POLA2: variants seen among roughly 807,000 people sequenced by gnomAD.
The protein encoded by POLA2 is DNA polymerase alpha 2, accessory subunit.
In POLA2, 47 loss-of-function variants were observed where a neutral mutation model predicts 82.8. The observed-to-expected ratio is 0.57, with a 90% CI of 0.45 to 0.72. The LOEUF (loss-of-function observed/expected upper bound fraction) is 0.72. Among genes scored for constraint, POLA2 ranks in the 30% least tolerant of loss-of-function variants. The probability of loss-of-function intolerance (pLI) is 0.00; values close to 1 mark genes in which losing one functional copy is unlikely to be tolerated. For missense variants in POLA2, 634 were observed against 728.1 expected (o/e 0.87, Z 1.49); for synonymous variants, 287 against 286.8 (o/e 1.00, Z -0.01).
rs760166215 is a variant in POLA2 at position 65,296,007 on chromosome 11, C to CT, written c.1647+22dup. ...TTCGTGAAGGTAGGTTTGAACTCTGCTTTTTCCCAGAAACACCAGAACCCA... is the reference window on the plus strand; with the variant it reads ...TTCGTGAAGGTAGGTTTGAACTCTGCTTTTTTCCCAGAAACACCAGAACCCA... On this transcript the variant is annotated intron_variant, in intron 17 of 17. Coordinates refer to ENST00000265465, the MANE Select transcript of POLA2 (RefSeq NM_002689.4). 6.2e-7 allele frequency: 1 copy of CT among 1,613,952 alleles called. No individual in the cohort carries two copies. Among genetic ancestry groups the CT allele is most frequent in the Non-Finnish European group, 8.5e-7 (1 of 1,179,888 alleles).
At chr11:65,277,915 C>T (rs1004044383) in intron 5 of POLA2, among the ~76,000 whole-genome samples, 2 of 152,172 alleles carry the variant, frequency 1.3e-5, no homozygotes, top group Non-Finnish European at 2.9e-5. Context: ...TAATTGAGCT[C>T]ATTTTCTGTA....
intron 5 of POLA2, 102 bp from the exon 6 acceptor site, chr11:65,278,628 C>A: frequency 2.1e-6 from 2 of 948,146 alleles, no homozygotes; most frequent in South Asian, 1.6e-5. Context: ...ATGAGGCCAC[C>A]TTCCTTTTCT....
At position 65,295,865 on chromosome 11, in the gene POLA2, TACTACCC is replaced by T. The variant is rs749919083; in HGVS notation, c.1526_1532del (p.Tyr509SerfsTer34). On this transcript the variant is annotated frameshift_variant and splice_region_variant, in exon 17 of 18. Transcript: ENST00000265465. LOFTEE classifies it high-confidence loss of function. ...GACAATTTCTCTCTGTCTCTGTAGCTACTACCCACTCTACCCGCCCCAAGAAGACATG... is the reference window on the plus strand; with the variant it reads ...GACAATTTCTCTCTGTCTCTGTAGCTACTCTACCCGCCCCAAGAAGACATG... 1 of 1,611,130 alleles carries T rather than the reference TACTACCC, an allele frequency of 6.2e-7. No individual in the cohort carries two copies. The highest frequency in any genetic ancestry group is 1.1e-5 in the South Asian group (1 of 91,040).
intron 12 of POLA2, among the ~76,000 whole-genome samples, chr11:65,289,456 TTGC>T (rs1949731634): frequency 6.6e-6 from 1 of 152,234 alleles, no homozygotes; most frequent in Non-Finnish European, 1.5e-5. Context: ...TTGCTGTCCT[TTGC>T]ATAAAACACG....
At chr11:65,284,082 C>T (rs1949669184) in intron 10 of POLA2, among the ~76,000 whole-genome samples, 1 of 151,546 alleles carries the variant, frequency 6.6e-6, no homozygotes, top group African/African-American at 2.4e-5. Context: ...TACAGTAAGC[C>T]GTGATCATGC....
In POLA2 at chr11:65,294,542, T is replaced by C. The variant is rs201600983; in HGVS notation, c.1354-4T>C. The C allele has an allele frequency of 3.1e-4, 490 of 1,605,018 alleles. 3 individuals carry two copies. The highest frequency in any genetic ancestry group is 1.8e-3 in the Middle Eastern group (11 of 6,034). ...ATGTTTGTTTCAATCCGTTCTCATT[T>C]TAGCAAGTACAGTTTGTGTCCGAGC... On this transcript the variant is annotated splice_polypyrimidine_tract_variant and splice_region_variant and intron_variant, in intron 14 of 17. Coordinates refer to ENST00000265465, the MANE Select transcript of POLA2 (RefSeq NM_002689.4).
chr11:65,268,874 A>G (rs1949491446), intron 4 of POLA2, 145 bp downstream of exon 4: 1 of 541,714 alleles, frequency 1.8e-6, no homozygotes, highest in South Asian at 2.6e-5. Context: ...TTCTGATCAT[A>G]TGTCTAAATG....
chr11:65,292,811 G>A (rs1590909468), intron 13 of POLA2, among the ~76,000 whole-genome samples: 2 of 152,328 alleles, frequency 1.3e-5, no homozygotes, highest in East Asian at 1.9e-4. Context: ...GTATGCCTGA[G>A]AAGTCCACAT....
At chr11:65,282,432 G>A (rs762218925) in intron 9 of POLA2, 47 bp from the exon 10 acceptor site, 16 of 1,578,228 alleles carry the variant, frequency 1.0e-5, no homozygotes, top group Admixed American at 5.0e-5. Context: ...CCTTACCAAG[G>A]TGATGCCTGG....
At chr11:65,305,437 G>A (rs1368440860) in exon 9 of POLA2, 1 of 455,682 alleles carries the variant, frequency 2.2e-6, no homozygotes, top group African/African-American at 2.0e-5. Context: ...AGCCTGAGGA[G>A]AAACAGCCCT....
chr11:65,269,136 C>G (rs1949494135), intron 4 of POLA2, among the ~76,000 whole-genome samples: 1 of 152,162 alleles, frequency 6.6e-6, no homozygotes, highest in Admixed American at 6.6e-5. Context: ...TTTTATCTCT[C>G]TGAGACAGTT....
chr11:65,293,688 T>A (rs551517802), intron 13 of POLA2, among the ~76,000 whole-genome samples: 1 of 151,448 alleles, frequency 6.6e-6, no homozygotes, highest in Non-Finnish European at 1.5e-5. Flanking sequence ...CCCAGCTCCA[T>A]GCACCCTACC....
chr11:65,268,764 A>AT, intron 4 of POLA2, 35 bp downstream of exon 4: 1 of 1,371,570 alleles, frequency 7.3e-7, no homozygotes, highest in Non-Finnish European at 1.0e-6. Context: ...GCATTTTACA[A>AT]GTAACATTTT....
chr11:65,285,574 CA>C (rs573912827), intron 10 of POLA2, among the ~76,000 whole-genome samples: 283 of 62,934 alleles, frequency 4.5e-3, no homozygotes, highest in Middle Eastern at 0.021. Flanking sequence ...GATCCTATCT[CA>C]AAAAAAAAAA....
At chr11:65,269,830 T>C (rs1489039988) in intron 4 of POLA2, among the ~76,000 whole-genome samples, 1 of 151,914 alleles carries the variant, frequency 6.6e-6, no homozygotes, top group African/African-American at 2.4e-5. Flanking sequence ...TTATTCTTTT[T>C]TGTTGTTGTT....
chr11:65,305,823 T>C (rs1949884884), downstream of POLA2, among the ~76,000 whole-genome samples: 1 of 152,136 alleles, frequency 6.6e-6, no homozygotes, highest in African/African-American at 2.4e-5. Flanking sequence ...GCACGGCCTG[T>C]CTTGAGAAAG....
At chr11:65,291,664 G>T (rs890757424) in intron 13 of POLA2, among the ~76,000 whole-genome samples, 5 of 152,326 alleles carry the variant, frequency 3.3e-5, no homozygotes, top group Admixed American at 6.5e-5. Context: ...CCTAACACTG[G>T]CTGGGTGCTT....
chr11:65,299,712 G>A (rs1420796637), downstream of POLA2, among the ~76,000 whole-genome samples: 6 of 152,086 alleles, frequency 3.9e-5, no homozygotes, highest in Admixed American at 6.5e-5. Flanking sequence ...ACCCCACCCC[G>A]ACAGAGTCTC....
At chr11:65,291,059 G>T (rs564953180) in intron 13 of POLA2, among the ~76,000 whole-genome samples, 9 of 152,338 alleles carry the variant, frequency 5.9e-5, no homozygotes, top group Admixed American at 5.9e-4. Context: ...GTTCCAGGAA[G>T]AGGCTAAAGC....
Sources: gnomAD v4.1 joint callset for allele counts (sites outside exome capture counted in the v4.1 genomes callset) on GRCh38, gnomAD v4.1.1 for gene constraint, MANE v1.5 for transcripts, NCBI Gene and HGNC (gene_info 2026-07-23, HGNC 2026-07-21) for gene names.